The following PCED1B variants were observed in gnomAD, a reference collection of about 807,000 sequenced individuals.
PCED1B encodes PC-esterase domain-containing protein 1B.
For synonymous variants in PCED1B, 251 were observed against 246.1 expected, an observed-to-expected ratio of 1.02 and a Z score of -0.19; for missense variants, 573 against 573.9, an observed-to-expected ratio of 1.00 and a Z score of 0.02.
chr12:47,217,464 AAGAAAGAGAAAGAAAG>A (rs1163150672), intron 3 of PCED1B, among the ~76,000 whole-genome samples: 4 of 87,254 alleles, frequency 4.6e-5, no homozygotes, highest in African/African-American at 2.3e-4. Context: ...AAGAAAAAGA[AAGAAAGAGAAAGAAAG>A]AAAGAAAGAA....
chr12:47,112,278 G>A (rs1376303788), intron 2 of PCED1B, among the ~76,000 whole-genome samples: 1 of 152,108 alleles, frequency 6.6e-6, no homozygotes, highest in African/African-American at 2.4e-5. Flanking sequence ...CTTGCATCAG[G>A]GGATTCCTCT....
intron 2 of PCED1B, among the ~76,000 whole-genome samples, chr12:47,154,093 C>A (rs985977134): frequency 1.3e-5 from 2 of 152,204 alleles, no homozygotes; most frequent in Non-Finnish European, 2.9e-5. Context: ...GCAAGCAAGG[C>A]GCTGACTGCC....
At chr12:47,135,614 C>T (rs776897228) in intron 2 of PCED1B, 41 of 503,310 alleles carry the variant, frequency 8.1e-5, no homozygotes, top group Admixed American at 6.6e-4. Context: ...CCAGTCAGGT[C>T]ACCAACCATC....
At chr12:47,169,263 G>T (rs1941640592) in intron 2 of PCED1B, among the ~76,000 whole-genome samples, 1 of 152,170 alleles carries the variant, frequency 6.6e-6, no homozygotes, top group African/African-American at 2.4e-5. Flanking sequence ...AACTTAGCAA[G>T]GCCTATTTGT....
intron 2 of PCED1B, among the ~76,000 whole-genome samples, chr12:47,202,185 A>G (rs1040640103): frequency 1.3e-5 from 2 of 152,232 alleles, no homozygotes; most frequent in Non-Finnish European, 2.9e-5. Context: ...GAATTCATTA[A>G]GAGTTATTTG....
At chr12:47,144,101 G>A (rs763689813) in intron 2 of PCED1B, among the ~76,000 whole-genome samples, 3 of 152,096 alleles carry the variant, frequency 2.0e-5, no homozygotes, top group African/African-American at 7.2e-5. Flanking sequence ...CATTTCTCAC[G>A]CCTAAAGAAC....
chr12:47,127,006 T>C (rs1454084677), intron 2 of PCED1B, among the ~76,000 whole-genome samples: 2 of 152,178 alleles, frequency 1.3e-5, no homozygotes, highest in Non-Finnish European at 2.9e-5. Context: ...GTTTCACGCA[T>C]ACTCACTCTG....
At chr12:47,186,496 C>T (rs906576280) in intron 2 of PCED1B, among the ~76,000 whole-genome samples, 1 of 152,042 alleles carries the variant, frequency 6.6e-6, no homozygotes, top group African/African-American at 2.4e-5. Context: ...GGCACTTTCA[C>T]AAGGGGAGCT....
At chr12:47,085,139 G>T (rs184177418) in intron 1 of PCED1B, among the ~76,000 whole-genome samples, 3 of 152,194 alleles carry the variant, frequency 2.0e-5, no homozygotes, top group African/African-American at 7.2e-5. Flanking sequence ...GCAAGACTCC[G>T]TCTCAAAACA....
intron 2 of PCED1B, among the ~76,000 whole-genome samples, chr12:47,155,144 T>A (rs1447824418): frequency 6.6e-6 from 1 of 152,226 alleles, no homozygotes; most frequent in Non-Finnish European, 1.5e-5. Flanking sequence ...ATGAATCTTA[T>A]CTTTTCTGTC....
chr12:47,149,647 A>T (rs1261442033), intron 2 of PCED1B, among the ~76,000 whole-genome samples: 1 of 152,210 alleles, frequency 6.6e-6, no homozygotes, highest in Non-Finnish European at 1.5e-5. Context: ...TTAACGTGTG[A>T]GCTCTTTGTT....
chr12:47,094,810 A>G (rs1336274087), intron 1 of PCED1B, among the ~76,000 whole-genome samples: 4 of 151,912 alleles, frequency 2.6e-5, no homozygotes, highest in African/African-American at 9.7e-5. Context: ...ACTTACAAAT[A>G]TCCATGTTTA....
chr12:47,100,387 T>G (rs186567886), intron 1 of PCED1B, among the ~76,000 whole-genome samples: 19 of 152,360 alleles, frequency 1.2e-4, no homozygotes, highest in Admixed American at 9.1e-4. Flanking sequence ...GAATCATCCA[T>G]CCATCCATCA....
chr12:47,173,585 CT>C (rs1051434647), intron 2 of PCED1B, among the ~76,000 whole-genome samples: 159 of 147,040 alleles, frequency 1.1e-3, no homozygotes, highest in Middle Eastern at 7.1e-3. Flanking sequence ...TAAACACATA[CT>C]TTTTTTTTTT....
At chr12:47,154,253 A>G (rs895939459) in intron 2 of PCED1B, among the ~76,000 whole-genome samples, 13 of 152,162 alleles carry the variant, frequency 8.5e-5, no homozygotes, top group Non-Finnish European at 1.8e-4. Flanking sequence ...ACAAGTATTT[A>G]TTTCAGGCAC....
Position 47,236,136 on chromosome 12 carries a change from A to G in PCED1B, c.1073A>G (p.Asp358Gly), listed in dbSNP as rs754173521. 1 of 1,613,960 alleles carries G rather than the reference A, an allele frequency of 6.2e-7. No individual in the cohort carries two copies. Among genetic ancestry groups the G allele is most frequent in the Admixed American group, 1.7e-5 (1 of 60,006 alleles). ...FQSDQFYCHS[D>G]VPSSAHAGFF... The stretch of plus-strand genomic sequence containing the variant: ...TCGGATCAATTCTATTGCCATTCAG[A>G]TGTCCCCTCATCAGCCCATGCAGGT... Residue 358 changes from aspartate to glycine, a missense_variant, in exon 4 of 4, where the codon GAT becomes GGT. Asp to Gly is a moderately conservative substitution (Grantham distance 94). Coordinates refer to ENST00000546455, the MANE Select transcript of PCED1B (RefSeq NM_138371.3).
intron 2 of PCED1B, among the ~76,000 whole-genome samples, chr12:47,141,737 G>T (rs1375856198): frequency 1.3e-5 from 2 of 152,170 alleles, no homozygotes; most frequent in Non-Finnish European, 2.9e-5. Context: ...CAACCTGGCT[G>T]CAGTCCTCCC....
chr12:47,089,011 A>G (rs1465460186), intron 1 of PCED1B, among the ~76,000 whole-genome samples: 2 of 152,166 alleles, frequency 1.3e-5, no homozygotes, highest in Non-Finnish European at 2.9e-5. Flanking sequence ...TTGTAGGGGT[A>G]CCTGGGTGCA....
chr12:47,126,342 A>G (rs1939887248), intron 2 of PCED1B, among the ~76,000 whole-genome samples: 1 of 152,124 alleles, frequency 6.6e-6, no homozygotes, highest in Non-Finnish European at 1.5e-5. Flanking sequence ...ACTACCTTGT[A>G]TTCCTGGAGT....
Sources: allele counts gnomAD v4.1 joint callset (sites outside exome capture counted in the v4.1 genomes callset), GRCh38; gene constraint gnomAD v4.1.1; transcripts MANE v1.5; gene names NCBI Gene and HGNC (gene_info 2026-07-23, HGNC 2026-07-21).